The following FBXO21 variants were observed in gnomAD, a reference collection of about 807,000 sequenced individuals.
FBXO21 encodes F-box protein 21.
A neutral mutation model predicts 76.6 loss-of-function variants in FBXO21; 32 were observed. The ratio of observed to expected loss-of-function variants is 0.42; its 90% confidence interval spans 0.32 to 0.56. FBXO21 has a LOEUF of 0.56. Ranked by LOEUF, FBXO21 falls within the 20% of genes least tolerant of loss-of-function variation. The pLI is 0.16. For synonymous variants in FBXO21, 328 were observed against 311.5 expected, an observed-to-expected ratio of 1.05 and a Z score of -0.56; for missense variants, 586 against 797.3, an observed-to-expected ratio of 0.73 and a Z score of 3.19.
At chr12:117,182,952 G>A (rs1419204933) in intron 3 of FBXO21, among the ~76,000 whole-genome samples, 1 of 152,112 alleles carries the variant, frequency 6.6e-6, no homozygotes, top group East Asian at 1.9e-4. Context: ...AATTAGCCAG[G>A]TGTGGTGGCA....
At chr12:117,171,523 T>C (rs1303729436) in intron 7 of FBXO21, among the ~76,000 whole-genome samples, 2 of 152,200 alleles carry the variant, frequency 1.3e-5, no homozygotes, top group Non-Finnish European at 2.9e-5. Context: ...TTGTACTTTT[T>C]TGCTATGTCA....
chr12:117,160,731 G>A (rs1286117821), intron 9 of FBXO21, among the ~76,000 whole-genome samples: 2 of 152,160 alleles, frequency 1.3e-5, no homozygotes, highest in African/African-American at 4.8e-5. Context: ...CCAGGCTCAG[G>A]AGATCCTCCC....
intron 11 of FBXO21, 162 bp downstream of exon 11, chr12:117,155,629 G>C: frequency 2.5e-6 from 2 of 795,444 alleles, no homozygotes; most frequent in Non-Finnish European, 2.0e-6. Context: ...TGCAGACCCA[G>C]CCACGTTTAG....
chr12:117,172,831 GTTTTT>G (rs985854426), intron 6 of FBXO21, among the ~76,000 whole-genome samples: 2 of 152,058 alleles, frequency 1.3e-5, no homozygotes, highest in East Asian at 3.9e-4. Flanking sequence ...GAAGTTTTAT[GTTTTT>G]TAATGTTTGA....
intron 9 of FBXO21, among the ~76,000 whole-genome samples, chr12:117,164,266 TTTCTTTTC>T (rs1295971020): frequency 4.1e-5 from 6 of 147,928 alleles, no homozygotes; most frequent in African/African-American, 1.3e-4. Flanking sequence ...GATGACATCT[TTTCTTTTC>T]TTTTTTTTTT....
chr12:117,155,750 C>T (rs755137452), intron 11 of FBXO21, 41 bp downstream of exon 11: 5 of 1,581,936 alleles, frequency 3.2e-6, no homozygotes, highest in Non-Finnish European at 4.3e-6. Flanking sequence ...GCTGAAAACA[C>T]GCCCGCGGGG....
At chr12:117,181,598 A>AGAGTCT (rs72520396) in intron 3 of FBXO21, among the ~76,000 whole-genome samples, 970 of 26,748 alleles carry the variant, frequency 0.036, 4 homozygotes, top group African/African-American at 0.069. Flanking sequence ...TATCTGAGAC[A>AGAGTCT]GTCTATCTAT....
At chr12:117,189,116 G>C (rs1956318694) in intron 2 of FBXO21, 111 bp downstream of exon 2, 2 of 1,219,750 alleles carry the variant, frequency 1.6e-6, no homozygotes, top group Non-Finnish European at 2.4e-6. Flanking sequence ...GTAAGGGATT[G>C]TGAGAGCATT....
chr12:117,186,607 T>C (rs1392850739), intron 2 of FBXO21, 36 bp from the exon 3 acceptor site: 2 of 1,307,048 alleles, frequency 1.5e-6, no homozygotes, highest in Admixed American at 3.8e-5. Context: ...GCCTCAATTA[T>C]GAGTATTGAT....
chr12:117,186,752 G>A (rs11068394), intron 2 of FBXO21, among the ~76,000 whole-genome samples, 181 bp from the exon 3 acceptor site: 2,036 of 152,278 alleles, frequency 0.013, 45 homozygotes, highest in African/African-American at 0.047. Context: ...AATTTACTGA[G>A]GTTTTGTTGT....
intron 2 of FBXO21, 87 bp downstream of exon 2, chr12:117,189,140 C>T (rs554834075): frequency 8.1e-6 from 12 of 1,487,160 alleles, no homozygotes; most frequent in East Asian, 6.8e-5. Context: ...AAGGGAGATA[C>T]GAAAAGAGCT....
Position 117,166,892 on chromosome 12 carries a change from C to T in FBXO21, c.1193+6G>A. The T allele has an allele frequency of 6.2e-7, 1 of 1,613,652 alleles. No individual in the cohort carries two copies. The highest frequency in any genetic ancestry group is 8.5e-7 in the Non-Finnish European group (1 of 1,179,620). On this transcript the variant is annotated splice_donor_region_variant and intron_variant, in intron 8 of 11. Transcript: ENST00000622495. The stretch of plus-strand genomic sequence containing the variant: ...CAGAAGTACTAGAAAACCAAGAAAA[C>T]CTTACCGCTTCCCCAGGCTTAACAG...
At chr12:117,164,491 G>T (rs913540201) in intron 9 of FBXO21, among the ~76,000 whole-genome samples, 6 of 152,024 alleles carry the variant, frequency 3.9e-5, no homozygotes, top group African/African-American at 1.4e-4. Context: ...GGCCAGGCTG[G>T]TCTTGAACTC....
intron 7 of FBXO21, among the ~76,000 whole-genome samples, chr12:117,169,769 G>A (rs1956097871): frequency 1.3e-5 from 2 of 152,044 alleles, no homozygotes; most frequent in South Asian, 4.2e-4. Context: ...AGCCTTCCAA[G>A]CAGCTGGGAC....
chr12:117,163,760 T>G (rs973604066), intron 9 of FBXO21, among the ~76,000 whole-genome samples: 2 of 151,436 alleles, frequency 1.3e-5, no homozygotes, highest in African/African-American at 4.9e-5. Context: ...CTGGCCAACA[T>G]GGTGAAACCC....
At position 117,177,605 on chromosome 12, in the gene FBXO21, A is replaced by T. The variant is rs781509241; in HGVS notation, c.507T>A (p.Ile169=). The part of the protein sequence containing the change: ...ALTWKYYAKK[I]LYYLRQQKIL... ...TCTTCTGTTGCCGCAGGTAGTAAAGAATTTTTTTTGCGTAGTATTTCCAGG... is the reference window on the plus strand; with the variant it reads ...TCTTCTGTTGCCGCAGGTAGTAAAGTATTTTTTTTGCGTAGTATTTCCAGG... The change falls in exon 4 of 12, where the codon ATT becomes ATA. Residue 169 remains isoleucine, a synonymous_variant. Coordinates refer to ENST00000622495, the MANE Select transcript of FBXO21 (RefSeq NM_015002.3). 32 of 1,613,836 alleles carry T rather than the reference A, an allele frequency of 2.0e-5. No homozygotes were observed. The highest frequency in any genetic ancestry group is 2.6e-5 in the Non-Finnish European group (31 of 1,179,914).
intron 7 of FBXO21, among the ~76,000 whole-genome samples, chr12:117,170,776 G>GACATGGTA (rs1179591259): frequency 2.0e-5 from 3 of 152,186 alleles, no homozygotes; most frequent in African/African-American, 7.2e-5. Context: ...CGTGGCAAAT[G>GACATGGTA]ACATGGTAAT....
At chr12:117,176,576 A>C (rs750264223) in intron 4 of FBXO21, among the ~76,000 whole-genome samples, 2 of 152,060 alleles carry the variant, frequency 1.3e-5, no homozygotes, top group Non-Finnish European at 2.9e-5. Flanking sequence ...TGGGGCTGGC[A>C]CTGGTATTTT....
intron 9 of FBXO21, among the ~76,000 whole-genome samples, chr12:117,160,702 C>T (rs1955967196): frequency 1.3e-5 from 2 of 152,232 alleles, no homozygotes; most frequent in Admixed American, 1.3e-4. Flanking sequence ...TGGCTCACTG[C>T]AGCCTTGGCG....
Sources: gnomAD v4.1 joint callset for allele counts (sites outside exome capture counted in the v4.1 genomes callset) on GRCh38, gnomAD v4.1.1 for gene constraint, MANE v1.5 for transcripts, NCBI Gene and HGNC (gene_info 2026-07-23, HGNC 2026-07-21) for gene names.